Variants in SHISA9 observed in about 807,000 individuals in gnomAD.
The protein encoded by SHISA9 is shisa family member 9, also known as protein shisa-9.
Under a neutral mutation model 38.0 loss-of-function variants are expected in SHISA9, and 13 were observed. The observed-to-expected ratio is 0.34, with a 90% CI of 0.22 to 0.54. The LOEUF is 0.54. SHISA9 is among the 20% of genes least tolerant of loss of function. SHISA9 has a pLI of 0.91. For missense variants in SHISA9, 538 were observed against 575.8 expected (o/e 0.93, Z 0.67); for synonymous variants, 275 against 242.0 (o/e 1.14, Z -1.27).
the SHISA9 span, among the ~76,000 whole-genome samples, chr16:13,550,657 G>A: frequency 6.6e-6 from 1 of 152,198 alleles, no homozygotes; most frequent in African/African-American, 2.4e-5. Context: ...TTTAAAAATA[G>A]CTTCCCTACC....
the SHISA9 span, among the ~76,000 whole-genome samples, chr16:13,280,747 C>T: frequency 1.3e-5 from 2 of 151,702 alleles, no homozygotes; most frequent in Admixed American, 1.3e-4. Flanking sequence ...CATACCCACC[C>T]TTTAACTCAA....
the SHISA9 span, among the ~76,000 whole-genome samples, chr16:13,470,826 C>T: frequency 6.6e-6 from 1 of 152,066 alleles, no homozygotes; most frequent in African/African-American, 2.4e-5. Flanking sequence ...AAGTCCTTGT[C>T]TCAGAGTCTC....
the SHISA9 span, among the ~76,000 whole-genome samples, chr16:13,411,722 C>T: frequency 3.3e-5 from 5 of 152,336 alleles, no homozygotes; most frequent in Non-Finnish European, 7.3e-5. Flanking sequence ...AGGATACACT[C>T]TGTAAGTTAC....
chr16:13,234,643 G>T (rs2051362960), intron 4 of SHISA9, among the ~76,000 whole-genome samples: 2 of 152,168 alleles, frequency 1.3e-5, no homozygotes, highest in African/African-American at 2.4e-5. Context: ...TAGATAGGAA[G>T]ATCACTTAAC....
At position 13,235,067 on chromosome 16, in the gene SHISA9, G is replaced by A; in HGVS notation, c.933G>A (p.Arg311=). The change falls in exon 5 of 5, where the codon CGG becomes CGA. Residue 311 remains arginine, a synonymous_variant. Coordinates refer to ENST00000558583, the MANE Select transcript of SHISA9 (RefSeq NM_001145204.3). ...KVNDDFYTKR[R]HLAELAAKGN... ...ATGACGACTTCTACACCAAGCGACG[G>A]CACCTGGCTGAGCTGGCTGCCAAGG... 1 of 1,551,218 alleles carries A rather than the reference G, an allele frequency of 6.4e-7. No individual in the cohort carries two copies. The highest frequency in any genetic ancestry group is 1.2e-5 in the South Asian group (1 of 84,018).
chr16:13,050,329 C>T (rs1501306), intron 2 of SHISA9, among the ~76,000 whole-genome samples: 118,305 of 151,898 alleles, frequency 0.78, 46,533 homozygotes, highest in African/African-American at 0.89. Flanking sequence ...TATATATATA[C>T]ATTTTAAATT....
chr16:13,138,964 G>A (rs2050373701), intron 2 of SHISA9, among the ~76,000 whole-genome samples: 1 of 152,138 alleles, frequency 6.6e-6, no homozygotes, highest in Admixed American at 6.5e-5. Context: ...ACACCCTGAA[G>A]CATTGCGGGA....
rs1018938814 is a variant in SHISA9, at chr16:13,236,468, G to T, written c.*1059G>T. On this transcript the variant is annotated 3_prime_UTR_variant, in exon 5 of 5. Coordinates refer to ENST00000558583, the MANE Select transcript of SHISA9 (RefSeq NM_001145204.3). Reference sequence around the variant, plus strand: ...GAAACAAGTCCTCTATAAACTGTATGTCCCTGACATCCCTTTCCCTTCAGC... The same window carrying T: ...GAAACAAGTCCTCTATAAACTGTATTTCCCTGACATCCCTTTCCCTTCAGC... The T allele has an allele frequency of 6.6e-6, 1 of 152,214 alleles. No individual in the cohort carries two copies. Among genetic ancestry groups the T allele is most frequent in the Non-Finnish European group, 1.5e-5 (1 of 68,050 alleles). The allele number at this position is 152,214 out of a possible 1,614,324, so 9.4% of individuals were successfully genotyped here.
chr16:13,148,489 C>T (rs2050467817), intron 2 of SHISA9, among the ~76,000 whole-genome samples: 1 of 152,086 alleles, frequency 6.6e-6, no homozygotes, highest in South Asian at 2.1e-4. Flanking sequence ...CACTCACCTA[C>T]CCACCCACGT....
chr16:13,501,713 C>T, the SHISA9 span, among the ~76,000 whole-genome samples: 423 of 152,178 alleles, frequency 2.8e-3, 4 homozygotes, highest in African/African-American at 9.9e-3. Context: ...TAAATATTTG[C>T]TGAAAGAGGG....
chr16:13,476,747 T>G, the SHISA9 span, among the ~76,000 whole-genome samples: 11 of 110,716 alleles, frequency 9.9e-5, no homozygotes, highest in East Asian at 3.5e-4. Flanking sequence ...TGTTTTTTTT[T>G]TTTTTTTTTT....
In SHISA9 at chr16:13,019,936, T is replaced by C. The variant is rs1470206299; in HGVS notation, c.691+103121T>C. On this transcript the variant is annotated intron_variant, in intron 2 of 4. Coordinates refer to ENST00000558583, the MANE Select transcript of SHISA9 (RefSeq NM_001145204.3). Reference sequence around the variant, plus strand: ...CTTTCTTTCTTTCTTTCTTTCTTTCTTTCTTTCTTTCTTTCTTTCTTTCCC... The same window carrying C: ...CTTTCTTTCTTTCTTTCTTTCTTTCCTTCTTTCTTTCTTTCTTTCTTTCCC... 8.2e-3 allele frequency among the ~76,000 whole-genome samples: 697 copies of C among 85,372 alleles called. 18 individuals are homozygous for C. Among genetic ancestry groups the C allele is most frequent in the Middle Eastern group, 0.024 (4 of 164 alleles). The allele number at this position is 85,372 out of a possible 152,430, so 56.0% of individuals were successfully genotyped here.
the SHISA9 span, among the ~76,000 whole-genome samples, chr16:13,292,288 CAT>C: frequency 2.0e-5 from 3 of 151,844 alleles, no homozygotes; most frequent in Admixed American, 6.6e-5. Context: ...CCACTCCTAA[CAT>C]AGTGTTTTTA....
chr16:13,158,243 C>T (rs1269804651), intron 2 of SHISA9, among the ~76,000 whole-genome samples: 1 of 152,216 alleles, frequency 6.6e-6, no homozygotes, highest in East Asian at 1.9e-4. Flanking sequence ...CAGATCCCAG[C>T]TTTGCCTCTC....
intron 3 of SHISA9, among the ~76,000 whole-genome samples, chr16:13,204,181 C>G (rs2051039074): frequency 1.4e-5 from 2 of 147,098 alleles, no homozygotes; most frequent in African/African-American, 2.5e-5. Context: ...TATCTATCAT[C>G]TTTCTATCTA....
the SHISA9 span, among the ~76,000 whole-genome samples, chr16:13,330,404 G>T: frequency 3.3e-5 from 5 of 152,066 alleles, no homozygotes; most frequent in Non-Finnish European, 1.5e-5. Flanking sequence ...TTAAAAATAG[G>T]TACTATAAAA....
At chr16:13,508,227 C>T in the SHISA9 span, among the ~76,000 whole-genome samples, 49 of 152,050 alleles carry the variant, frequency 3.2e-4, no homozygotes, top group Non-Finnish European at 6.2e-4. Flanking sequence ...TTTATTTTTT[C>T]CACTTGACAT....
intron 2 of SHISA9, among the ~76,000 whole-genome samples, chr16:13,116,200 T>A (rs2074029368): frequency 6.6e-6 from 1 of 152,180 alleles, no homozygotes; most frequent in Non-Finnish European, 1.5e-5. Context: ...GGATACATCA[T>A]ACCTACCCTT....
At chr16:13,468,357 A>G in the SHISA9 span, among the ~76,000 whole-genome samples, 4 of 152,182 alleles carry the variant, frequency 2.6e-5, no homozygotes, top group Non-Finnish European at 5.9e-5. Flanking sequence ...ACTTACTCAG[A>G]GTCATACAGC....
Sources: allele counts gnomAD v4.1 joint callset (sites outside exome capture counted in the v4.1 genomes callset), GRCh38; gene constraint gnomAD v4.1.1; transcripts MANE v1.5; gene names NCBI Gene and HGNC (gene_info 2026-07-23, HGNC 2026-07-21).